Variants in ALDH1A2 observed in about 807,000 individuals in gnomAD.
ALDH1A2 encodes the protein retinal dehydrogenase 2.
ALDH1A2 carries 27 observed loss-of-function variants against 60.3 expected under a neutral mutation model. The ratio of observed to expected loss-of-function variants is 0.45; its 90% CI spans 0.33 to 0.62. ALDH1A2 has a LOEUF of 0.62. Ranked by LOEUF, ALDH1A2 falls within the 20% of genes least tolerant of loss-of-function variation. The pLI is 0.02. For missense variants in ALDH1A2, 581 were observed against 643.8 expected, an observed-to-expected ratio of 0.90 and a Z score of 1.06; for synonymous variants, 289 against 232.4, an observed-to-expected ratio of 1.24 and a Z score of -2.21.
intron 7 of ALDH1A2, among the ~76,000 whole-genome samples, chr15:57,988,466 A>C (rs745943205): frequency 6.6e-6 from 1 of 152,250 alleles, no homozygotes; most frequent in Non-Finnish European, 1.5e-5. Flanking sequence ...TCATTAATAC[A>C]TTGAATGTTG....
At chr15:58,039,780 AAAG>A (rs1896469865) in intron 1 of ALDH1A2, among the ~76,000 whole-genome samples, 1 of 151,844 alleles carries the variant, frequency 6.6e-6, no homozygotes, top group Non-Finnish European at 1.5e-5. Context: ...TGAAAAGAGA[AAAG>A]AAGAGAACAA....
chr15:58,007,248 C>T (rs528624682), intron 4 of ALDH1A2, among the ~76,000 whole-genome samples: 3 of 151,996 alleles, frequency 2.0e-5, no homozygotes, highest in South Asian at 2.1e-4. Flanking sequence ...GCAATAGTTC[C>T]ATATTTGCTA....
At chr15:58,001,711 G>A (rs903932003) in intron 4 of ALDH1A2, among the ~76,000 whole-genome samples, 2 of 151,890 alleles carry the variant, frequency 1.3e-5, no homozygotes, top group African/African-American at 4.8e-5. Context: ...CTAGCTTTGT[G>A]CTGTAAGCTC....
chr15:58,039,970 T>C (rs1371918647), intron 1 of ALDH1A2, among the ~76,000 whole-genome samples: 1 of 151,896 alleles, frequency 6.6e-6, no homozygotes. Flanking sequence ...CCCCTGCCCT[T>C]GAAATAAGTG....
chr15:57,983,163 G>T (rs1000513784), intron 7 of ALDH1A2, among the ~76,000 whole-genome samples: 1 of 152,174 alleles, frequency 6.6e-6, no homozygotes, highest in Non-Finnish European at 1.5e-5. Flanking sequence ...ATTCGCTATT[G>T]AAAGGAAACA....
At chr15:58,002,235 T>C (rs1895299535) in intron 4 of ALDH1A2, among the ~76,000 whole-genome samples, 1 of 151,894 alleles carries the variant, frequency 6.6e-6, no homozygotes, top group Non-Finnish European at 1.5e-5. Context: ...ATGTGTGCAT[T>C]GAGCCATTTC....
In ALDH1A2 at chr15:58,013,864, A is replaced by G. The variant is rs1895708323; in HGVS notation, c.357T>C (p.Val119=). 6.2e-7 allele frequency: 1 copy of G among 1,614,182 alleles called. No individual in the cohort carries two copies. The highest frequency in any genetic ancestry group is 8.5e-7 in the Non-Finnish European group (1 of 1,180,010). Residue 119 remains valine, a synonymous_variant, in exon 3 of 13, where the codon GTT becomes GTC. Coordinates refer to ENST00000249750, the MANE Select transcript of ALDH1A2 (RefSeq NM_003888.4). ...LADLVERDRA[V]LATMESLNGG... is the part of the protein sequence containing the mutation. ...GTTTTCTTAGGTTACTTACTGCAAGAACTGCCCTGTCCCGTTCCACCAAGT... is the reference window on the plus strand; with the variant it reads ...GTTTTCTTAGGTTACTTACTGCAAGGACTGCCCTGTCCCGTTCCACCAAGT...
chr15:58,003,491 G>C (rs1895344148), intron 4 of ALDH1A2, among the ~76,000 whole-genome samples: 1 of 151,782 alleles, frequency 6.6e-6, no homozygotes, highest in Non-Finnish European at 1.5e-5. Flanking sequence ...ATATGACCTG[G>C]GTAGTTTTTA....
intron 1 of ALDH1A2, among the ~76,000 whole-genome samples, chr15:58,053,467 C>T (rs1316784526): frequency 2.6e-5 from 4 of 152,094 alleles, no homozygotes; most frequent in Admixed American, 6.5e-5. Flanking sequence ...CCCTCATCTC[C>T]GTAGCAATAA....
intron 3 of ALDH1A2, among the ~76,000 whole-genome samples, chr15:58,013,079 G>A (rs34556786): frequency 1.3e-3 from 191 of 152,300 alleles, no homozygotes; most frequent in African/African-American, 4.4e-3. Context: ...GAAAATCATT[G>A]TTTTAGTGAA....
intron 1 of ALDH1A2, among the ~76,000 whole-genome samples, chr15:58,029,671 A>G (rs1401487466): frequency 1.3e-5 from 2 of 152,156 alleles, no homozygotes; most frequent in Admixed American, 6.5e-5. Context: ...CTAATAAAAA[A>G]GAGAGAAAAA....
chr15:57,982,793 C>T (rs1894559846), intron 7 of ALDH1A2, among the ~76,000 whole-genome samples: 2 of 152,130 alleles, frequency 1.3e-5, no homozygotes, highest in South Asian at 2.1e-4. Flanking sequence ...TGAGGAAAGC[C>T]TAGTATTTTC....
At chr15:57,961,885 T>C in intron 10 of ALDH1A2, 127 bp downstream of exon 10, 1 of 1,318,778 alleles carries the variant, frequency 7.6e-7, no homozygotes, top group Non-Finnish European at 1.1e-6. Flanking sequence ...ATAGCCATGT[T>C]CATTACTGTT....
chr15:58,008,526 T>C (rs1314093371), intron 4 of ALDH1A2, among the ~76,000 whole-genome samples: 2 of 152,096 alleles, frequency 1.3e-5, no homozygotes, highest in Non-Finnish European at 2.9e-5. Context: ...TTTAGCTTTA[T>C]CTAATCAGGA....
intron 1 of ALDH1A2, among the ~76,000 whole-genome samples, chr15:58,041,986 G>T (rs1896529086): frequency 6.6e-6 from 1 of 151,894 alleles, no homozygotes; most frequent in South Asian, 2.1e-4. Context: ...GTACTCACCT[G>T]ACTGTGGAAA....
intron 4 of ALDH1A2, among the ~76,000 whole-genome samples, chr15:58,005,665 T>G (rs572721312): frequency 1.7e-4 from 26 of 152,046 alleles, no homozygotes; most frequent in African/African-American, 5.3e-4. Context: ...TGGAGTATAA[T>G]TCAATGTTGT....
rs1293864013 is a variant in ALDH1A2, at chr15:57,955,332, C to G, written c.1485-63G>C. On this transcript the variant is annotated intron_variant, in intron 12 of 12. Transcript: ENST00000249750. ...TCCAGGGAGCTGCATGTGAGTGCAG[C>G]GGGAGTCCTGGGGAGGTGCAGTTTA... 1.1e-5 allele frequency: 17 copies of G among 1,563,776 alleles called. No homozygotes were observed. In the South Asian group the frequency reaches 1.1e-4, roughly 10 times the overall value.
chr15:57,978,202 T>G (rs1182974131), intron 7 of ALDH1A2, among the ~76,000 whole-genome samples: 1 of 152,218 alleles, frequency 6.6e-6, no homozygotes, highest in Non-Finnish European at 1.5e-5. Flanking sequence ...TTTGCCTGAT[T>G]GCCCTGACCA....
At chr15:58,010,569 C>T in intron 4 of ALDH1A2, 80 bp downstream of exon 4, 2 of 1,575,400 alleles carry the variant, frequency 1.3e-6, no homozygotes, top group East Asian at 2.3e-5. Flanking sequence ...TTCTGTGTGA[C>T]TGCTGTTTGT....
Sources: allele counts gnomAD v4.1 joint callset (sites outside exome capture counted in the v4.1 genomes callset), GRCh38; gene constraint gnomAD v4.1.1; transcripts MANE v1.5; gene names NCBI Gene and HGNC (gene_info 2026-07-23, HGNC 2026-07-21).